Variants in CYP19A1 observed in about 807,000 individuals in gnomAD.
The protein encoded by CYP19A1 is aromatase.
Under a neutral mutation model 44.4 loss-of-function variants are expected in CYP19A1, and 32 were observed. That is an observed-to-expected ratio of 0.72 (90% confidence interval 0.54 to 0.97). The LOEUF is 0.97. Among genes scored for constraint, CYP19A1 ranks in the 50% least tolerant of loss-of-function variants. The pLI, the probability that CYP19A1 is intolerant of heterozygous loss-of-function variation, is 0.00. For missense variants in CYP19A1, 598 were observed against 637.8 expected, an observed-to-expected ratio of 0.94 and a Z score of 0.67; for synonymous variants, 212 against 215.6, an observed-to-expected ratio of 0.98 and a Z score of 0.14.
At chr15:51,334,750 G>T (rs1458764342) in intron 1 of CYP19A1, among the ~76,000 whole-genome samples, 2 of 152,210 alleles carry the variant, frequency 1.3e-5, no homozygotes, top group Non-Finnish European at 1.5e-5. Context: ...GGTAGATGTG[G>T]AGATGTGGGG....
intron 1 of CYP19A1, among the ~76,000 whole-genome samples, chr15:51,259,442 G>A (rs889466314): frequency 4.6e-5 from 7 of 152,160 alleles, no homozygotes; most frequent in Non-Finnish European, 1.0e-4. Context: ...GAGTGAATCG[G>A]ACACTGCACC....
At chr15:51,261,861 G>A (rs891904627) in intron 1 of CYP19A1, among the ~76,000 whole-genome samples, 6 of 152,166 alleles carry the variant, frequency 3.9e-5, no homozygotes, top group African/African-American at 1.2e-4. Flanking sequence ...AGAGTCTTCA[G>A]GTTCTGGGCC....
chr15:51,325,795 G>A (rs551612044), intron 1 of CYP19A1, among the ~76,000 whole-genome samples: 5 of 135,586 alleles, frequency 3.7e-5, no homozygotes, highest in South Asian at 4.7e-4. Flanking sequence ...CCAAGATGGC[G>A]CCACTGCACT....
intron 1 of CYP19A1, among the ~76,000 whole-genome samples, chr15:51,322,493 C>T (rs80323122): frequency 6.6e-6 from 1 of 152,196 alleles, no homozygotes; most frequent in African/African-American, 2.4e-5. Context: ...GCTGCTTCTG[C>T]TGTTGTTACT....
rs765806893 is a variant in CYP19A1, at chr15:51,210,646, C to A, written c.*162G>T. On this transcript the variant is annotated 3_prime_UTR_variant, in exon 10 of 10. Coordinates refer to ENST00000396402, the MANE Select transcript of CYP19A1 (RefSeq NM_000103.4). ...CTCTGGTGTGAACAGGAGCAGATGA[C>A]AAATAGCACCTAGCTTGGTGACAAC... is the stretch of plus-strand genomic sequence containing the variant. The A allele has an allele frequency of 2.7e-6, 2 of 753,138 alleles. No homozygotes were observed. The highest frequency in any genetic ancestry group is 4.9e-6 in the Non-Finnish European group (2 of 409,642). 46.7% of individuals were successfully genotyped at this position (753,138 alleles called of 1,614,324 possible).
At chr15:51,294,102 A>T (rs1445344146) in intron 1 of CYP19A1, among the ~76,000 whole-genome samples, 1 of 107,680 alleles carries the variant, frequency 9.3e-6, no homozygotes, top group East Asian at 2.9e-4. Flanking sequence ...CATCCTGTCT[A>T]GGAAGTGAGG....
chr15:51,220,021 C>T (rs373502176), intron 5 of CYP19A1, among the ~76,000 whole-genome samples: 30 of 152,102 alleles, frequency 2.0e-4, no homozygotes, highest in African/African-American at 6.0e-4. Flanking sequence ...AGGGGAGATG[C>T]GGCAATAGGG....
At chr15:51,234,309 GAGAGGACA>G (rs2033238117) in intron 3 of CYP19A1, among the ~76,000 whole-genome samples, 2 of 152,158 alleles carry the variant, frequency 1.3e-5, no homozygotes, top group African/African-American at 4.8e-5. Context: ...TGAAAAGCCT[GAGAGGACA>G]GGAAAAGGAA....
chr15:51,334,199 T>G (rs2036743454), intron 1 of CYP19A1, among the ~76,000 whole-genome samples: 1 of 152,190 alleles, frequency 6.6e-6, no homozygotes, highest in African/African-American at 2.4e-5. Context: ...CTGTCCATCA[T>G]TTTGAGCATT....
intron 1 of CYP19A1, among the ~76,000 whole-genome samples, chr15:51,307,494 CA>C (rs1054450119): frequency 1.3e-5 from 2 of 152,152 alleles, no homozygotes; most frequent in African/African-American, 4.8e-5. Context: ...TTAAGAGTGT[CA>C]GAGATTTAAA....
At chr15:51,265,531 A>T (rs116858407) in intron 1 of CYP19A1, among the ~76,000 whole-genome samples, 29 of 152,118 alleles carry the variant, frequency 1.9e-4, no homozygotes, top group Non-Finnish European at 3.1e-4. Flanking sequence ...CTCTGTGGGA[A>T]CCCAGGCAAA....
chr15:51,240,004 C>T (rs747507716), intron 2 of CYP19A1, among the ~76,000 whole-genome samples: 1 of 152,054 alleles, frequency 6.6e-6, no homozygotes, highest in Non-Finnish European at 1.5e-5. Context: ...AGTCCTGACC[C>T]AGATCAGTGG....
intron 6 of CYP19A1, chr15:51,216,027 A>G (rs1277582995): frequency 1.0e-6 from 1 of 1,000,828 alleles, no homozygotes; most frequent in Non-Finnish European, 1.4e-6. Context: ...GTTAGCTAAG[A>G]TTTCTGGATA....
chr15:51,222,083 G>A, intron 5 of CYP19A1: 1 of 603,080 alleles, frequency 1.7e-6, no homozygotes, highest in African/African-American at 1.8e-5. Context: ...CATTTGTTAA[G>A]TTTCAACTGT....
At chr15:51,212,160 C>G in intron 9 of CYP19A1, 160 bp downstream of exon 9, 2 of 706,378 alleles carry the variant, frequency 2.8e-6, no homozygotes, top group Non-Finnish European at 5.2e-6. Context: ...AATACGGGAG[C>G]CCTGCTCCAA....
chr15:51,259,706 A>C lies in CYP19A1; in HGVS notation c.-38-16756T>G, dbSNP rs911163294. Among the ~76,000 whole-genome samples, 8 of 152,358 alleles carry C rather than the reference A, an allele frequency of 5.3e-5. No individual in the cohort carries two copies. In the South Asian group the frequency reaches 1.7e-3, roughly 32 times the overall value. ...AGTCCAAAGAAGGTGCTAGGGCTGC[A>C]CCAGACTGATATTCTTCAGAGGTAG... is the stretch of plus-strand genomic sequence containing the variant. On this transcript the variant is annotated intron_variant, in intron 1 of 9. Coordinates refer to ENST00000396402, the MANE Select transcript of CYP19A1 (RefSeq NM_000103.4).
chr15:51,245,178 C>A (rs1246353776), intron 1 of CYP19A1, among the ~76,000 whole-genome samples: 2 of 152,134 alleles, frequency 1.3e-5, no homozygotes, highest in African/African-American at 4.8e-5. Context: ...ATTTTTACAG[C>A]CCCATACTGC....
intron 1 of CYP19A1, among the ~76,000 whole-genome samples, chr15:51,309,483 A>C (rs2036273328): frequency 6.6e-6 from 1 of 152,188 alleles, no homozygotes; most frequent in Non-Finnish European, 1.5e-5. Context: ...GATTCTATCT[A>C]CTAAAAGTGC....
chr15:51,212,859 C>T (rs979174091), intron 8 of CYP19A1, among the ~76,000 whole-genome samples: 3 of 152,200 alleles, frequency 2.0e-5, no homozygotes, highest in African/African-American at 7.2e-5. Context: ...CAATAATGGG[C>T]TGACGCTGAG....
Sources: allele counts gnomAD v4.1 joint callset (sites outside exome capture counted in the v4.1 genomes callset), GRCh38; gene constraint gnomAD v4.1.1; transcripts MANE v1.5; gene names NCBI Gene and HGNC (gene_info 2026-07-23, HGNC 2026-07-21).